HECW1: variants seen among roughly 807,000 people sequenced by gnomAD.
HECW1 encodes HECT, C2 and WW domain containing E3 ubiquitin protein ligase 1, also known as E3 ubiquitin-protein ligase HECW1.
A neutral mutation model predicts 182.3 loss-of-function variants in HECW1; 61 were observed. The ratio of observed to expected loss-of-function variants is 0.33; its 90% CI spans 0.27 to 0.41. HECW1 has a LOEUF of 0.41. HECW1 is among the 10% of genes least tolerant of loss of function. The probability of loss-of-function intolerance (pLI) is 1.00; values close to 1 mark genes in which losing one functional copy is unlikely to be tolerated. For synonymous variants in HECW1, 859 were observed against 832.6 expected, an observed-to-expected ratio of 1.03 and a Z score of -0.55; for missense variants, 1,739 against 2,108.9, an observed-to-expected ratio of 0.82 and a Z score of 3.44.
At chr7:43,407,927 T>C in intron 8 of HECW1, among the ~76,000 whole-genome samples, 196 bp downstream of exon 8, 1 of 152,176 alleles carries the variant, frequency 6.6e-6, no homozygotes, top group Non-Finnish European at 1.5e-5. Context: ...CGGACAGTAC[T>C]AACACACTTT....
At chr7:43,434,118 CAA>C (rs2152868109) in intron 8 of HECW1, among the ~76,000 whole-genome samples, 1 of 152,242 alleles carries the variant, frequency 6.6e-6, no homozygotes, top group African/African-American at 2.4e-5. Context: ...TCTCTGGAAA[CAA>C]AGAGTGTGCC....
At chr7:43,239,262 A>G (rs1798657070) in intron 2 of HECW1, 1 of 152,222 alleles carries the variant, frequency 6.6e-6, no homozygotes, top group South Asian at 2.1e-4. Context: ...AAATTAGCAA[A>G]TGTAATTTTC....
intron 3 of HECW1, 163 bp from the exon 4 acceptor site, chr7:43,311,600 C>G (rs576316257): frequency 3.8e-6 from 3 of 782,080 alleles, no homozygotes; most frequent in South Asian, 2.7e-5. Flanking sequence ...AGAGCTGCAG[C>G]CTTTGTCACG....
At chr7:43,456,730 GC>G in intron 13 of HECW1, among the ~76,000 whole-genome samples, 1 of 152,300 alleles carries the variant, frequency 6.6e-6, no homozygotes, top group Non-Finnish European at 1.5e-5. Context: ...GCCAGTGTAT[GC>G]CCCTCTCCTG....
chr7:43,442,450 C>A, intron 9 of HECW1, 79 bp from the exon 10 acceptor site: 1 of 996,202 alleles, frequency 1.0e-6, no homozygotes, highest in Non-Finnish European at 1.6e-6. Flanking sequence ...GCCTCACCCA[C>A]TGGTATAGAA....
At chr7:43,355,472 T>C (rs1043001977) in intron 5 of HECW1, among the ~76,000 whole-genome samples, 3 of 152,152 alleles carry the variant, frequency 2.0e-5, no homozygotes, top group African/African-American at 7.2e-5. Flanking sequence ...AGGCTTTTTT[T>C]TAAATTTGTT....
intron 24 of HECW1, among the ~76,000 whole-genome samples, chr7:43,521,745 C>T (rs1337677147): frequency 6.6e-6 from 1 of 152,180 alleles, no homozygotes; most frequent in Admixed American, 6.5e-5. Flanking sequence ...CGTGGTGGCA[C>T]ATGTCTGTAA....
chr7:43,244,955 G>A (rs1026592875), intron 3 of HECW1, among the ~76,000 whole-genome samples: 7 of 152,188 alleles, frequency 4.6e-5, no homozygotes, highest in South Asian at 2.1e-4. Context: ...ATGAGGCCAC[G>A]CTCACATGCA....
intron 3 of HECW1, among the ~76,000 whole-genome samples, chr7:43,255,711 A>G (rs1174465291): frequency 6.6e-6 from 1 of 152,022 alleles, no homozygotes; most frequent in Non-Finnish European, 1.5e-5. Context: ...GGTGCAGGAG[A>G]TGACATGATG....
chr7:43,250,451 C>T (rs2152725958), intron 3 of HECW1, among the ~76,000 whole-genome samples: 1 of 152,248 alleles, frequency 6.6e-6, no homozygotes, highest in East Asian at 1.9e-4. Flanking sequence ...AGGTCTCTGG[C>T]CTCCTGGAGG....
chr7:43,456,219 A>G, intron 12 of HECW1, 78 bp from the exon 13 acceptor site: 2 of 1,438,228 alleles, frequency 1.4e-6, no homozygotes, highest in Non-Finnish European at 1.9e-6. Flanking sequence ...CCTGCAGAAG[A>G]CTTGGAAGTT....
At chr7:43,192,250 C>T (rs150587722) in intron 2 of HECW1, among the ~76,000 whole-genome samples, 5 of 152,286 alleles carry the variant, frequency 3.3e-5, no homozygotes, top group East Asian at 3.9e-4. Context: ...TGAGCCACCA[C>T]GCCTGGCAAG....
intron 4 of HECW1, 141 bp from the exon 5 acceptor site, chr7:43,320,494 T>C (rs1185196121): frequency 1.6e-6 from 1 of 628,858 alleles, no homozygotes; most frequent in South Asian, 2.0e-5. Flanking sequence ...TGCTTCCTGC[T>C]CTCTGATTCT....
chr7:43,279,697 A>G (rs1390368331), intron 3 of HECW1, among the ~76,000 whole-genome samples: 1 of 152,020 alleles, frequency 6.6e-6, no homozygotes, highest in Non-Finnish European at 1.5e-5. Context: ...TCTCCAAAAT[A>G]TCTCCCACCT....
chr7:43,126,961 A>G lies in HECW1; in HGVS notation c.-32+12570A>G, dbSNP rs534213108. 2.0e-4 allele frequency among the ~76,000 whole-genome samples: 30 copies of G among 152,262 alleles called. No homozygotes were observed. The South Asian group carries it at 6.0e-3, about 30-fold the overall frequency. On this transcript the variant is annotated intron_variant, in intron 2 of 29. Transcript: ENST00000395891. ...CTTCTTCCTTGCCTCGGGCCACCCTATTCCCTGAGACACAACAATATGGAA... is the reference window on the plus strand; with the variant it reads ...CTTCTTCCTTGCCTCGGGCCACCCTGTTCCCTGAGACACAACAATATGGAA...
At chr7:43,142,848 G>A (rs921857856) in intron 2 of HECW1, among the ~76,000 whole-genome samples, 2 of 152,060 alleles carry the variant, frequency 1.3e-5, no homozygotes, top group Non-Finnish European at 2.9e-5. Flanking sequence ...TGGAGCACAG[G>A]GTGTAAAATC....
intron 14 of HECW1, among the ~76,000 whole-genome samples, chr7:43,465,568 A>T (rs1431079165): frequency 6.6e-6 from 1 of 152,186 alleles, no homozygotes; most frequent in Non-Finnish European, 1.5e-5. Flanking sequence ...GTCACTTCTG[A>T]CATGTTCTAT....
chr7:43,331,025 G>GT, intron 5 of HECW1, among the ~76,000 whole-genome samples: 1 of 152,000 alleles, frequency 6.6e-6, no homozygotes, highest in East Asian at 1.9e-4. Context: ...TAGGGTACAT[G>GT]TGCACAACGT....
chr7:43,240,222 T>C lies in HECW1; in HGVS notation c.-31-3653T>C, dbSNP rs150048298. Among the ~76,000 whole-genome samples the C allele has an allele frequency of 4.8e-3, 723 of 152,076 alleles. 2 individuals are homozygous for C. The highest frequency in any genetic ancestry group is 0.031 in the Middle Eastern group (9 of 294). ...GCATGGTGGTGGGCGCTTGTAGTCC[T>C]AGCTACTCGGGAGGCTGAGGCAGGA... On this transcript the variant is annotated intron_variant, in intron 2 of 29. Transcript: ENST00000395891.
Sources: gnomAD v4.1 joint callset for allele counts (sites outside exome capture counted in the v4.1 genomes callset) on GRCh38, gnomAD v4.1.1 for gene constraint, MANE v1.5 for transcripts, NCBI Gene and HGNC (gene_info 2026-07-23, HGNC 2026-07-21) for gene names.